Variants in NACC2 observed in about 807,000 individuals in gnomAD.
NACC2 encodes the protein NACC family member 2.
NACC2 carries 8 observed loss-of-function variants against 25.1 expected under a neutral mutation model. The observed-to-expected ratio is 0.32, with a 90% confidence interval of 0.19 to 0.57. The LOEUF (loss-of-function observed/expected upper bound fraction) is 0.57, where lower values mean the gene tolerates loss of function less well. NACC2 is among the 20% of genes least tolerant of loss of function. The probability of loss-of-function intolerance (pLI) is 0.89; values close to 1 mark genes in which losing one functional copy is unlikely to be tolerated. For synonymous variants in NACC2, 435 were observed against 294.7 expected, an observed-to-expected ratio of 1.48 and a Z score of -4.88; for missense variants, 644 against 650.2, an observed-to-expected ratio of 0.99 and a Z score of 0.10.
rs149187611 is a variant in NACC2, at chr9:136,007,535, G to GCACACACACAGACACGCA, written c.*3980_*3981insTGCGTGTCTGTGTGTGTG. The GCACACACACAGACACGCA allele has an allele frequency of 6.7e-6, 1 of 148,394 alleles. No homozygotes were observed. The highest frequency in any genetic ancestry group is 2.5e-5 in the African/African-American group (1 of 40,438). 9.2% of individuals were successfully genotyped at this position (148,394 alleles called of 1,614,324 possible). ...CGCGCACACACAGACGCACAGACGT[G>GCACACACACAGACACGCA]CACACACAGACACGCACACACACAC... On this transcript the variant is annotated 3_prime_UTR_variant, in exon 6 of 6. Transcript: ENST00000277554.
intron 2 of NACC2, among the ~76,000 whole-genome samples, chr9:136,047,462 G>A (rs1840748013): frequency 6.6e-6 from 1 of 152,252 alleles, no homozygotes; most frequent in Admixed American, 6.5e-5. Flanking sequence ...CAAACTGTAT[G>A]GTAGGTGGGC....
Position 136,011,761 on chromosome 9 carries a change from CGATGGT to C in NACC2, c.1513_1518del (p.Thr505_Ile506del). On this transcript the variant is annotated inframe_deletion, in exon 6 of 6. Transcript: ENST00000277554. ...TTCACGGCGTCAGTTCTCAGAGCCA[CGATGGT>C]GGCGGCGTCGCCCCGCCGCTCGGCG... 3 of 1,539,876 alleles carry C rather than the reference CGATGGT, an allele frequency of 1.9e-6. No homozygotes were observed. Among genetic ancestry groups the C allele is most frequent in the Non-Finnish European group, 2.6e-6 (3 of 1,143,076 alleles).
At chr9:136,031,834 A>C (rs1169481596) in intron 2 of NACC2, among the ~76,000 whole-genome samples, 2 of 152,234 alleles carry the variant, frequency 1.3e-5, no homozygotes, top group African/African-American at 4.8e-5. Context: ...GATTTAACCC[A>C]CATGGCTTTT....
chr9:136,068,499 CA>C (rs58780352), intron 1 of NACC2, among the ~76,000 whole-genome samples: 2,628 of 100,066 alleles, frequency 0.026, 24 homozygotes, highest in Non-Finnish European at 0.034. Flanking sequence ...AACTCCGTCT[CA>C]AAAAAAAAAA....
At position 136,080,421 on chromosome 9, in the gene NACC2, A is replaced by G. The variant is rs182255098; in HGVS notation, c.-60+14768T>C. On this transcript the variant is annotated intron_variant, in intron 1 of 5. Transcript: ENST00000277554. ...AAAAACGTCTCTATTAAAAATACAA[A>G]ATTAGCTGGGCGTGGTGGCGCACGC... is the stretch of plus-strand genomic sequence containing the variant. Among the ~76,000 whole-genome samples the G allele has an allele frequency of 3.3e-5, 5 of 152,202 alleles. No homozygotes were observed. In the East Asian group the frequency reaches 9.7e-4, roughly 29 times the overall value.
intron 2 of NACC2, among the ~76,000 whole-genome samples, chr9:136,024,428 A>T (rs1417869609): frequency 3.4e-5 from 4 of 116,834 alleles, no homozygotes; most frequent in African/African-American, 6.8e-5. Context: ...GTGAGGACAG[A>T]GTGTGTGTGT....
At position 136,049,563 on chromosome 9, in the gene NACC2, CCTGA is replaced by C. The variant is rs1840783227; in HGVS notation, c.886+69_886+72del. The C allele has an allele frequency of 4.3e-6, 3 of 698,912 alleles. No homozygotes were observed. In the African/African-American group the frequency reaches 5.3e-5, roughly 12 times the overall value. The allele number at this position is 698,912 out of a possible 1,614,324, so 43.3% of individuals were successfully genotyped here. A position where few individuals can be genotyped will look rare whatever the true frequency, so the allele number is the denominator to read the frequency against. The stretch of plus-strand genomic sequence containing the variant: ...CCGCAGGCCTCCGGCCCAGTGGCCT[CCTGA>C]GCCACCCGGGTCCCAGGCAGGCCCC... On this transcript the variant is annotated intron_variant, in intron 2 of 5. Coordinates refer to ENST00000277554, the MANE Select transcript of NACC2 (RefSeq NM_144653.5).
chr9:136,087,230 CAG>C (rs1294385064), intron 1 of NACC2, among the ~76,000 whole-genome samples: 6 of 152,238 alleles, frequency 3.9e-5, no homozygotes, highest in East Asian at 1.9e-4. Context: ...TGAAGATGCA[CAG>C]AGTGTCAACT....
intron 1 of NACC2, among the ~76,000 whole-genome samples, chr9:136,056,034 G>A (rs143537747): frequency 4.7e-4 from 71 of 152,216 alleles, no homozygotes; most frequent in Admixed American, 7.8e-4. Flanking sequence ...TTTCCCATAC[G>A]GTGCAGGCTC....
chr9:136,069,242 C>T (rs1588578960), intron 1 of NACC2, among the ~76,000 whole-genome samples: 1 of 151,738 alleles, frequency 6.6e-6, no homozygotes, highest in East Asian at 1.9e-4. Context: ...ATAGCTGAGT[C>T]ATATTTTAAA....
chr9:136,094,340 G>C (rs1188963263), intron 1 of NACC2, among the ~76,000 whole-genome samples: 6 of 152,192 alleles, frequency 3.9e-5, no homozygotes, highest in South Asian at 2.1e-4. Context: ...GCTCCACGAC[G>C]AGAGTCCAAG....
chr9:136,056,065 C>T (rs1329889828), intron 1 of NACC2, among the ~76,000 whole-genome samples: 1 of 151,958 alleles, frequency 6.6e-6, no homozygotes, highest in Non-Finnish European at 1.5e-5. Context: ...TGCTTTGACC[C>T]TATACCTTCA....
Position 136,011,734 on chromosome 9 carries a change from C to T in NACC2, c.1546G>A (p.Val516Ile). 6.5e-7 allele frequency: 1 copy of T among 1,538,240 alleles called. No individual in the cohort carries two copies. Among genetic ancestry groups the T allele is most frequent in the South Asian group, 1.2e-5 (1 of 81,568 alleles). Reference protein sequence around the residue: ...IVALRTDAVNVDLSAAANPAF... With the variant: ...IVALRTDAVNIDLSAAANPAF... ...GGGTTGGCGGCGGCACTCAGGTCAA[C>T]ATTCACGGCGTCAGTTCTCAGAGCC... Residue 516 changes from valine (V) to isoleucine (I), a missense_variant, in exon 6 of 6, where the codon GTT (valine) becomes ATT (isoleucine). By Grantham distance (29) the Val-to-Ile change is conservative. Transcript: ENST00000277554.
intron 2 of NACC2, among the ~76,000 whole-genome samples, chr9:136,041,940 A>G (rs937157155): frequency 7.9e-5 from 12 of 152,210 alleles, no homozygotes; most frequent in Non-Finnish European, 1.5e-5. Flanking sequence ...TCAACATTTT[A>G]GTAATCTTTT....
In NACC2 at chr9:136,020,502, G is replaced by A. The variant is rs1396947102; in HGVS notation, c.887-4073C>T. On this transcript the variant is annotated intron_variant, in intron 2 of 5. Coordinates refer to ENST00000277554, the MANE Select transcript of NACC2 (RefSeq NM_144653.5). This position sits in a 1 kb window ranked among gnomAD's most constrained non-coding sequence, Gnocchi z 4.7. ...CTGTGCGGATGTGGGCGGCAGTGGC[G>A]AGTGGTAGGGCCGCCTGGTGGAGCC... 2.0e-5 allele frequency among the ~76,000 whole-genome samples: 3 copies of A among 152,360 alleles called. No homozygotes were observed. The highest frequency in any genetic ancestry group is 1.9e-4 in the East Asian group (1 of 5,188).
At chr9:136,072,210 C>T (rs149195026) in intron 1 of NACC2, among the ~76,000 whole-genome samples, 217 of 151,834 alleles carry the variant, frequency 1.4e-3, no homozygotes, top group African/African-American at 5.0e-3. Flanking sequence ...TGCACTCTAG[C>T]CTGGGCAACA....
chr9:136,015,404 C>T (rs1423289743), intron 3 of NACC2, among the ~76,000 whole-genome samples: 1 of 152,230 alleles, frequency 6.6e-6, no homozygotes, highest in African/African-American at 2.4e-5. Flanking sequence ...CTGGCCAGGG[C>T]AGCCCAACAC....
chr9:136,087,219 C>G (rs553794867), intron 1 of NACC2, among the ~76,000 whole-genome samples: 1 of 152,324 alleles, frequency 6.6e-6, no homozygotes, highest in Non-Finnish European at 1.5e-5. Flanking sequence ...GGAACCAGCC[C>G]TGAAGATGCA....
At chr9:136,071,294 C>T (rs1841148125) in intron 1 of NACC2, among the ~76,000 whole-genome samples, 1 of 151,606 alleles carries the variant, frequency 6.6e-6, no homozygotes, top group Non-Finnish European at 1.5e-5. Context: ...CCTATAATCC[C>T]AGCACTTTGG....
Sources: gnomAD v4.1 joint callset for allele counts (sites outside exome capture counted in the v4.1 genomes callset) on GRCh38, gnomAD v4.1.1 for gene constraint, Gnocchi (gnomAD v3.1) non-coding constraint, MANE v1.5 for transcripts, NCBI Gene and HGNC (gene_info 2026-07-23, HGNC 2026-07-21) for gene names.